AMZ1: variants seen among roughly 807,000 people sequenced by gnomAD.
AMZ1 encodes the protein archaelysin family metallopeptidase 1.
A neutral mutation model predicts 29.9 loss-of-function variants in AMZ1; 39 were observed. The observed-to-expected ratio is 1.30, with a 90% CI of 1.01 to 1.70. The LOEUF is 1.70. Ranked by LOEUF, AMZ1 falls within the 40% of genes most tolerant of loss-of-function variation. The pLI is 0.00. For synonymous variants in AMZ1, 458 were observed against 304.0 expected, an observed-to-expected ratio of 1.51 and a Z score of -5.27; for missense variants, 1,041 against 680.6, an observed-to-expected ratio of 1.53 and a Z score of -5.89.
At chr7:2,724,618 C>T (rs1354348884), downstream of AMZ1, among the ~76,000 whole-genome samples, 1 of 150,722 alleles carries the variant, frequency 6.6e-6, no homozygotes, top group Non-Finnish European at 1.5e-5. Context: ...CCCACGGTAA[C>T]TGCACCTGTG....
chr7:2,710,780 C>T (rs755716313), intron 6 of AMZ1, among the ~76,000 whole-genome samples: 7 of 152,202 alleles, frequency 4.6e-5, no homozygotes, highest in Non-Finnish European at 1.0e-4. Context: ...GGGGGGAACC[C>T]AGGCGCAGCC....
rs973423099 is a variant in AMZ1, at chr7:2,718,433, T to C, written c.*5555T>C. ...GCCCTCACCGCGCTTTGTGAGTCTG[T>C]CTCGTGGGCCTCCTTCAGTGGTCTG... is the stretch of plus-strand genomic sequence containing the variant. On this transcript the variant is annotated 3_prime_UTR_variant, in exon 7 of 7. Transcript: ENST00000683327. 6.6e-6 allele frequency among the ~76,000 whole-genome samples: 1 copy of C among 152,194 alleles called. No homozygotes were observed. Among genetic ancestry groups the C allele is most frequent in the African/African-American group, 2.4e-5 (1 of 41,460 alleles).
At chr7:2,751,776 T>G (rs1027464419) in intron 4 of AMZ1, among the ~76,000 whole-genome samples, 1 of 152,140 alleles carries the variant, frequency 6.6e-6, no homozygotes, top group Non-Finnish European at 1.5e-5. Flanking sequence ...AATGGACAAA[T>G]TGCTTTAAAA....
At chr7:2,727,292 G>A (rs755671084) in intron 4 of AMZ1, among the ~76,000 whole-genome samples, 1 of 152,136 alleles carries the variant, frequency 6.6e-6, no homozygotes, top group Non-Finnish European at 1.5e-5. Context: ...ATGTTGGCCA[G>A]GATGGTCTCG....
At chr7:2,727,404 G>GTCTT (rs1349995214) in intron 4 of AMZ1, among the ~76,000 whole-genome samples, 1 of 152,122 alleles carries the variant, frequency 6.6e-6, no homozygotes. Context: ...TTAAGATGGG[G>GTCTT]TCTTTGCTCT....
At chr7:2,747,998 G>A (rs1448846901) in intron 4 of AMZ1, among the ~76,000 whole-genome samples, 2 of 150,216 alleles carry the variant, frequency 1.3e-5, no homozygotes, top group African/African-American at 4.9e-5. Context: ...CACTGCTCAA[G>A]GAAATAAAAG....
chr7:2,696,257 A>ACT (rs1554246534), intron 1 of AMZ1, among the ~76,000 whole-genome samples: 58 of 122,056 alleles, frequency 4.8e-4, no homozygotes, highest in South Asian at 2.9e-4. Context: ...CTTGATAGTC[A>ACT]TTTTTTTTTT....
At chr7:2,735,888 TGGAGG>T (rs1790147068) in intron 4 of AMZ1, among the ~76,000 whole-genome samples, 1 of 151,950 alleles carries the variant, frequency 6.6e-6, no homozygotes, top group South Asian at 2.1e-4. Flanking sequence ...TAATGGGGGC[TGGAGG>T]GGAGGGAAGA....
chr7:2,709,179 GC>G lies in AMZ1; in HGVS notation c.712del (p.Leu238CysfsTer63), dbSNP rs749302796. ...AGAGGCAGCAGCAGACGGCCCCGAG[GC>G]CCCCCTGCAGGACAGGGGCTGGGCC... ...LVEAAADGPE[A>X]PLQDRGWALC... On this transcript the variant is annotated frameshift_variant, in exon 5 of 7. Coordinates refer to ENST00000683327, the MANE Select transcript of AMZ1 (RefSeq NM_001384743.1). LOFTEE classifies it high-confidence loss of function. 1.3e-6 allele frequency: 2 copies of G among 1,544,308 alleles called. No individual in the cohort carries two copies. Among genetic ancestry groups the G allele is most frequent in the South Asian group, 1.2e-5 (1 of 80,444 alleles).
At chr7:2,737,274 G>GTT (rs1041056812) in intron 4 of AMZ1, among the ~76,000 whole-genome samples, 678 of 34,958 alleles carry the variant, frequency 0.019, 58 homozygotes, top group East Asian at 0.041. Context: ...GTTTTGTTTT[G>GTT]TTTTTTTTTT....
intron 1 of AMZ1, among the ~76,000 whole-genome samples, chr7:2,692,279 G>A (rs1562357630): frequency 1.3e-5 from 2 of 152,084 alleles, no homozygotes; most frequent in African/African-American, 4.8e-5. Context: ...GGTGGCTCAC[G>A]CCTGTAATCC....
At chr7:2,759,933 C>A (rs557029043), upstream of AMZ1, among the ~76,000 whole-genome samples, 2 of 152,358 alleles carry the variant, frequency 1.3e-5, no homozygotes, top group East Asian at 3.9e-4. Context: ...CCACCTGCTC[C>A]TGCCAAGCAG....
At chr7:2,757,096 T>G (rs1463495988) in intron 4 of AMZ1, among the ~76,000 whole-genome samples, 1 of 144,792 alleles carries the variant, frequency 6.9e-6, no homozygotes. Flanking sequence ...AAAAAGGAGG[T>G]GACCTTGGCA....
At chr7:2,685,855 G>GAAAAAA (rs10710624), upstream of AMZ1, among the ~76,000 whole-genome samples, 1 of 86,744 alleles carries the variant, frequency 1.2e-5, no homozygotes, top group Non-Finnish European at 2.4e-5. Flanking sequence ...TCCGTCTCAA[G>GAAAAAA]AAAAAAAAAA....
At chr7:2,722,232 T>C (rs1468648230), downstream of AMZ1, among the ~76,000 whole-genome samples, 1 of 151,886 alleles carries the variant, frequency 6.6e-6, no homozygotes, top group Non-Finnish European at 1.5e-5. Flanking sequence ...TGCCCATCGA[T>C]GTGAGCTGGT....
At chr7:2,680,649 C>T (rs1477330869) in intron 1 of AMZ1, among the ~76,000 whole-genome samples, 1 of 152,240 alleles carries the variant, frequency 6.6e-6, no homozygotes, top group African/African-American at 2.4e-5. Flanking sequence ...AAGGTCTTGG[C>T]TGCTTCAGGC....
At chr7:2,707,235 C>T in intron 3 of AMZ1, among the ~76,000 whole-genome samples, 1 of 151,600 alleles carries the variant, frequency 6.6e-6, no homozygotes, top group South Asian at 2.1e-4. Context: ...ATAGATAGCG[C>T]CACTACACTG....
At chr7:2,750,565 G>C (rs1790985033) in intron 4 of AMZ1, among the ~76,000 whole-genome samples, 1 of 152,176 alleles carries the variant, frequency 6.6e-6, no homozygotes, top group African/African-American at 2.4e-5. Flanking sequence ...CAGAACAATT[G>C]TAACAACACA....
chr7:2,713,641 G>GCA lies in AMZ1; in HGVS notation c.*773_*774dup, dbSNP rs201716927. 1,131 of 152,524 alleles carry GCA rather than the reference G, an allele frequency of 7.4e-3. 6 individuals are homozygous for GCA. Among genetic ancestry groups the GCA allele is most frequent in the Non-Finnish European group, 0.011 (751 of 68,096 alleles). The allele number at this position is 152,524 out of a possible 1,614,324, so 9.4% of individuals were successfully genotyped here. A position where few individuals can be genotyped will look rare whatever the true frequency, so the allele number is the denominator to read the frequency against. ...CTATCATCTCAGGCGTCAACCACATGCACACACACACTGTCACGTTCTGTG... is the reference window on the plus strand; with the variant it reads ...CTATCATCTCAGGCGTCAACCACATGCACACACACACACTGTCACGTTCTGTG... On this transcript the variant is annotated 3_prime_UTR_variant, in exon 7 of 7. Transcript: ENST00000683327.
Sources: allele counts gnomAD v4.1 joint callset (sites outside exome capture counted in the v4.1 genomes callset), GRCh38; gene constraint gnomAD v4.1.1; transcripts MANE v1.5; gene names NCBI Gene and HGNC (gene_info 2026-07-23, HGNC 2026-07-21).